The following EPHA3 variants were observed in gnomAD, a reference collection of about 807,000 sequenced individuals.
The protein encoded by EPHA3 is ephrin type-A receptor 3.
In EPHA3, 42 loss-of-function variants were observed where a neutral mutation model predicts 107.1. The ratio of observed to expected loss-of-function variants is 0.39; its 90% CI spans 0.31 to 0.51. The LOEUF is 0.51. Ranked by LOEUF, EPHA3 falls within the 20% of genes least tolerant of loss-of-function variation. EPHA3 has a pLI of 0.78. For synonymous variants in EPHA3, 461 were observed against 424.8 expected, an observed-to-expected ratio of 1.09 and a Z score of -1.05; for missense variants, 1,183 against 1,211.2, an observed-to-expected ratio of 0.98 and a Z score of 0.35.
rs548657690 is a variant in EPHA3 at position 89,206,303 on chromosome 3, T to G, written c.154-3557T>G. ...TGAGATCTCCATAATTAAAATCATA[T>G]TTTACATCAAGTTATGAAAACCTCT... On this transcript the variant is annotated intron_variant, in intron 2 of 16. Transcript: ENST00000336596. Among the ~76,000 whole-genome samples, 9 of 152,326 alleles carry G rather than the reference T, an allele frequency of 5.9e-5. No individual in the cohort carries two copies. In the East Asian group the frequency reaches 1.5e-3, roughly 26 times the overall value.
At chr3:89,137,533 A>C (rs1704341489) in intron 2 of EPHA3, among the ~76,000 whole-genome samples, 1 of 152,010 alleles carries the variant, frequency 6.6e-6, no homozygotes, top group African/African-American at 2.4e-5. Flanking sequence ...ATTGAACCTA[A>C]GAATGCTTAA....
At chr3:89,337,599 A>C (rs1019885324) in intron 3 of EPHA3, among the ~76,000 whole-genome samples, 1 of 152,222 alleles carries the variant, frequency 6.6e-6, no homozygotes, top group African/African-American at 2.4e-5. Context: ...GTTAAAGCCT[A>C]TCAGCTAGTT....
chr3:89,159,713 A>AC (rs962261145), intron 2 of EPHA3, among the ~76,000 whole-genome samples: 3 of 151,792 alleles, frequency 2.0e-5, no homozygotes, highest in African/African-American at 7.3e-5. Flanking sequence ...TATCTTCATG[A>AC]CCCCCAACAT....
At chr3:89,359,350 A>G (rs546743338) in intron 5 of EPHA3, among the ~76,000 whole-genome samples, 1 of 150,938 alleles carries the variant, frequency 6.6e-6, no homozygotes, top group African/African-American at 2.4e-5. Context: ...AAGTTAAAAG[A>G]TATTGCTTTC....
chr3:89,180,761 A>T (rs983731499), intron 2 of EPHA3, among the ~76,000 whole-genome samples: 2 of 151,958 alleles, frequency 1.3e-5, no homozygotes, highest in Non-Finnish European at 2.9e-5. Context: ...ACTTGTTTCC[A>T]TGAAACTCTG....
At chr3:89,173,955 A>G (rs564287447) in intron 2 of EPHA3, among the ~76,000 whole-genome samples, 4 of 152,178 alleles carry the variant, frequency 2.6e-5, no homozygotes, top group African/African-American at 9.6e-5. Context: ...GCAAACATGC[A>G]TTTTATTCCC....
intron 13 of EPHA3, among the ~76,000 whole-genome samples, chr3:89,434,353 G>T (rs1709625343): frequency 6.6e-6 from 1 of 152,070 alleles, no homozygotes; most frequent in South Asian, 2.1e-4. Flanking sequence ...AAGTAGTTTG[G>T]ATAACAGTGG....
intron 2 of EPHA3, among the ~76,000 whole-genome samples, chr3:89,129,195 G>T (rs1457224487): frequency 1.3e-5 from 2 of 152,228 alleles, no homozygotes; most frequent in Middle Eastern, 3.4e-3. Flanking sequence ...TTGTTCCCCA[G>T]AAATCTCTTA....
chr3:89,290,151 T>C (rs562894993), intron 3 of EPHA3, among the ~76,000 whole-genome samples: 1 of 152,260 alleles, frequency 6.6e-6, no homozygotes, highest in South Asian at 2.1e-4. Flanking sequence ...TTTTATCACC[T>C]TTTCTTCTTA....
Position 89,107,641 on chromosome 3 carries a change from C to T in EPHA3, c.-108C>T. ...TCTCCAGTGTCAAACTTGACATCAG[C>T]CTGCGAGCGGAGCATGGTAACTTCT... On this transcript the variant is annotated 5_prime_UTR_variant, in exon 1 of 17. Transcript: ENST00000336596. 9.7e-7 allele frequency: 1 copy of T among 1,029,290 alleles called. No individual in the cohort carries two copies. Among genetic ancestry groups the T allele is most frequent in the Non-Finnish European group, 1.5e-6 (1 of 676,112 alleles). 63.8% of individuals were successfully genotyped at this position (1,029,290 alleles called of 1,614,324 possible). A position where few individuals can be genotyped will look rare whatever the true frequency, so the allele number is the denominator to read the frequency against.
intron 1 of EPHA3, among the ~76,000 whole-genome samples, chr3:89,117,296 A>G (rs987310520): frequency 6.6e-6 from 1 of 152,094 alleles, no homozygotes; most frequent in African/African-American, 2.4e-5. Flanking sequence ...GATAAAGTTG[A>G]TTGATTTCCA....
chr3:89,197,047 A>T (rs1220731954), intron 2 of EPHA3, among the ~76,000 whole-genome samples: 1 of 152,138 alleles, frequency 6.6e-6, no homozygotes, highest in Non-Finnish European at 1.5e-5. Context: ...TTTTTATGAC[A>T]TGATTCAGAT....
intron 15 of EPHA3, among the ~76,000 whole-genome samples, chr3:89,456,230 C>T: frequency 6.6e-6 from 1 of 152,132 alleles, no homozygotes; most frequent in African/African-American, 2.4e-5. Flanking sequence ...TCCAGAAATA[C>T]ACTCCTAAAA....
intron 7 of EPHA3, among the ~76,000 whole-genome samples, chr3:89,401,941 G>A (rs1371633292): frequency 6.6e-6 from 1 of 152,142 alleles, no homozygotes; most frequent in Non-Finnish European, 1.5e-5. Context: ...TTTATCAGGA[G>A]AGATCCGAAA....
At chr3:89,319,043 C>G (rs1706978566) in intron 3 of EPHA3, among the ~76,000 whole-genome samples, 1 of 151,938 alleles carries the variant, frequency 6.6e-6, no homozygotes, top group South Asian at 2.1e-4. Flanking sequence ...TCATTGATCT[C>G]TACTATCAGT....
rs531310779 is a variant in EPHA3 at position 89,171,209 on chromosome 3, C to T, written c.154-38651C>T. 2.8e-4 allele frequency among the ~76,000 whole-genome samples: 42 copies of T among 152,160 alleles called. 1 individual carries two copies. The South Asian group carries it at 5.0e-3, about 18-fold the overall frequency. On this transcript the variant is annotated intron_variant, in intron 2 of 16. Coordinates refer to ENST00000336596, the MANE Select transcript of EPHA3 (RefSeq NM_005233.6). ...TGTTATATAGCAGGCTTAACTACCT[C>T]TGTGGTAAGTTCTCTGTGAGAGAAT... is the stretch of plus-strand genomic sequence containing the variant.
Position 89,210,291 on chromosome 3 carries a change from G to A in EPHA3, c.585G>A (p.Val195=). The A allele has an allele frequency of 1.2e-6, 2 of 1,613,854 alleles. No individual in the cohort carries two copies. The highest frequency in any genetic ancestry group is 1.7e-6 in the Non-Finnish European group (2 of 1,179,894). ...DVGACVALVS[V]RVYFKKCPFT... The stretch of plus-strand genomic sequence containing the variant: ...GTGCTTGTGTTGCCTTGGTGTCTGT[G>A]AGAGTATACTTCAAAAAGTGCCCAT... The change falls in exon 3 of 17, where the codon GTG becomes GTA. Residue 195 remains valine (V), a synonymous_variant. Transcript: ENST00000336596.
At chr3:89,143,982 T>C (rs1349670848) in intron 2 of EPHA3, among the ~76,000 whole-genome samples, 3 of 151,638 alleles carry the variant, frequency 2.0e-5, no homozygotes, top group Non-Finnish European at 3.0e-5. Context: ...AGAGTTCACA[T>C]ATATTCCCCA....
rs1553697738 is a variant in EPHA3, at chr3:89,476,597, A to ATTTATTTATTTATTTT, written c.2847-2785_2847-2784insTTTTATTTATTTATTT. On this transcript the variant is annotated intron_variant, in intron 16 of 16. Transcript: ENST00000336596. ...TGACTATTATTATTTTTATTTATTT[A>ATTTATTTATTTATTTT]TTTATTTATTTATTTATTTAATTTT... Among the ~76,000 whole-genome samples the ATTTATTTATTTATTTT allele has an allele frequency of 4.8e-3, 563 of 118,468 alleles. 3 individuals are homozygous for ATTTATTTATTTATTTT. Among genetic ancestry groups the ATTTATTTATTTATTTT allele is most frequent in the African/African-American group, 0.014 (515 of 36,328 alleles). 77.7% of individuals were successfully genotyped at this position (118,468 alleles called of 152,430 possible).
Sources: gnomAD v4.1 joint callset for allele counts (sites outside exome capture counted in the v4.1 genomes callset) on GRCh38, gnomAD v4.1.1 for gene constraint, MANE v1.5 for transcripts, NCBI Gene and HGNC (gene_info 2026-07-23, HGNC 2026-07-21) for gene names.